The following VWA5B1 variants were observed in gnomAD, a reference collection of about 807,000 sequenced individuals.
VWA5B1 encodes von Willebrand factor A domain containing 5B1.
In VWA5B1, 115 loss-of-function variants were observed where a neutral mutation model predicts 118.2. That is an observed-to-expected ratio of 0.97 (90% confidence interval 0.84 to 1.14). VWA5B1 has a LOEUF of 1.14. Ranked by LOEUF, VWA5B1 falls within the 50% of genes most tolerant of loss-of-function variation. The probability of loss-of-function intolerance (pLI) is 0.00; values close to 1 mark genes in which losing one functional copy is unlikely to be tolerated. For missense variants in VWA5B1, 1,596 were observed against 1,603.8 expected, an observed-to-expected ratio of 1.00 and a Z score of 0.08; for synonymous variants, 682 against 658.4, an observed-to-expected ratio of 1.04 and a Z score of -0.55.
chr1:20,307,444 C>A (rs61770711), intron 1 of VWA5B1, among the ~76,000 whole-genome samples: 2 of 152,256 alleles, frequency 1.3e-5, no homozygotes, highest in African/African-American at 4.8e-5. Context: ...CATTGAGGCA[C>A]CCCAAACCCA....
intron 1 of VWA5B1, among the ~76,000 whole-genome samples, chr1:20,294,815 C>T (rs999309226): frequency 6.6e-6 from 1 of 152,228 alleles, no homozygotes; most frequent in African/African-American, 2.4e-5. Flanking sequence ...TCTCAAACTC[C>T]CAGCCTCAGG....
Position 20,343,083 on chromosome 1 carries a change from G to T in VWA5B1, c.2316G>T (p.Pro772=). 1 of 1,516,342 alleles carries T rather than the reference G, an allele frequency of 6.6e-7. No individual in the cohort carries two copies. The highest frequency in any genetic ancestry group is 2.5e-5 in the East Asian group (1 of 40,328). 93.9% of individuals were successfully genotyped at this position (1,516,342 alleles called of 1,614,324 possible). A position where few individuals can be genotyped will look rare whatever the true frequency, so the allele number is the denominator to read the frequency against. Reference sequence around the variant, plus strand: ...CACTTGTCCCTCTGCCCGCAGAGCCGTCCCACCATCCCTCTGCCTTCGAGA... The same window carrying T: ...CACTTGTCCCTCTGCCCGCAGAGCCTTCCCACCATCCCTCTGCCTTCGAGA... The part of the protein sequence containing the change: ...SDSRSPGDLE[P]SHHPSAFETE... Residue 772 remains proline, a synonymous_variant, in exon 16 of 22, where the codon CCG becomes CCT. Coordinates refer to ENST00000289815, the MANE Select transcript of VWA5B1 (RefSeq NM_001039500.3).
chr1:20,347,878 CAGAG>C (rs1378335707), intron 17 of VWA5B1, among the ~76,000 whole-genome samples: 1 of 152,250 alleles, frequency 6.6e-6, no homozygotes, highest in Admixed American at 6.5e-5. Flanking sequence ...AGACAGTAAA[CAGAG>C]AGAAGAACAG....
chr1:20,306,609 T>G (rs1272540622), intron 1 of VWA5B1, among the ~76,000 whole-genome samples: 1 of 152,254 alleles, frequency 6.6e-6, no homozygotes, highest in Admixed American at 6.5e-5. Context: ...CTTGGGAGGC[T>G]GCTGGCACTC....
chr1:20,330,912 G>C lies in VWA5B1; in HGVS notation c.1501G>C (p.Val501Leu), dbSNP rs769421302. Residue 501 changes from valine to leucine, a missense_variant, in exon 11 of 22, where the codon GTG (valine) becomes CTG (leucine). Physicochemically the swap from Val to Leu is conservative, Grantham distance 32. Coordinates refer to ENST00000289815, the MANE Select transcript of VWA5B1 (RefSeq NM_001039500.3). ...GIGPNVCHRL[V>L]KGLASVSEGS... is the part of the protein sequence containing the mutation. ...TGGACCCAACGTCTGCCACAGACTG[G>C]TGAAAGGACTGGCATCTGTGTCCGA... is the stretch of plus-strand genomic sequence containing the variant. 1 of 1,551,630 alleles carries C rather than the reference G, an allele frequency of 6.4e-7. No individual in the cohort carries two copies. Among genetic ancestry groups the C allele is most frequent in the Non-Finnish European group, 8.7e-7 (1 of 1,147,012 alleles).
Position 20,327,981 on chromosome 1 carries a change from C to A in VWA5B1, c.1235C>A (p.Ser412Tyr). The A allele has an allele frequency of 6.4e-7, 1 of 1,551,494 alleles. No homozygotes were observed. ...TCCACATTTAAGAGCCTTTTTCCTT[C>A]CAGCCAGACCTACAGTGAGGTAATG... ...FGSTFKSLFP[S>Y]SQTYSEDSLA... Residue 412 changes from serine to tyrosine, a missense_variant, in exon 9 of 22, where the codon TCC (serine) becomes TAC (tyrosine). Physicochemically the swap from Ser to Tyr is moderately radical, Grantham distance 144. Coordinates refer to ENST00000289815, the MANE Select transcript of VWA5B1 (RefSeq NM_001039500.3).
intron 12 of VWA5B1, among the ~76,000 whole-genome samples, chr1:20,333,254 A>T (rs1276031806): frequency 1.3e-5 from 2 of 152,232 alleles, no homozygotes; most frequent in African/African-American, 4.8e-5. Flanking sequence ...CAGGAAGATC[A>T]CTTGAGATCA....
Position 20,355,602 on chromosome 1 carries a change from G to T in VWA5B1, c.*1339G>T, listed in dbSNP as rs150330221. Among the ~76,000 whole-genome samples the T allele has an allele frequency of 1.3e-5, 2 of 152,204 alleles. No homozygotes were observed. The highest frequency in any genetic ancestry group is 4.8e-5 in the African/African-American group (2 of 41,454). ...GAGTGAAGCTCCACAGACTTCCCTC[G>T]TGGGAAGGCCTTGGAAGCTTAGCTT... On this transcript the variant is annotated 3_prime_UTR_variant, in exon 22 of 22. Coordinates refer to ENST00000289815, the MANE Select transcript of VWA5B1 (RefSeq NM_001039500.3).
At position 20,318,645 on chromosome 1, in the gene VWA5B1, G is replaced by C. The variant is rs770683974; in HGVS notation, c.765G>C (p.Ser255=). The C allele has an allele frequency of 1.9e-6, 3 of 1,550,300 alleles. No homozygotes were observed. The Middle Eastern group carries it at 5.0e-4, about 259-fold the overall frequency. The change falls in exon 6 of 22, where the codon TCG becomes TCC. Residue 255 remains serine, a synonymous_variant. Coordinates refer to ENST00000289815, the MANE Select transcript of VWA5B1 (RefSeq NM_001039500.3). ...CCGACGCCGCCCCATCTGCCCGCTC[G>C]GCCAAGAGCATCATCATCACCTTGG... The part of the protein sequence containing the change: ...IRADAAPSAR[S]AKSIIITLAN...
chr1:20,312,755 C>T, intron 2 of VWA5B1, 81 bp from the exon 3 acceptor site: 1 of 1,431,454 alleles, frequency 7.0e-7, no homozygotes, highest in Non-Finnish European at 9.2e-7. Flanking sequence ...ACAGGCAGAC[C>T]AAGGGTTCAG....
chr1:20,358,169 G>A lies in VWA5B1; in HGVS notation c.*3906G>A, dbSNP rs2101044568. Reference sequence around the variant, plus strand: ...TGAATGGCATCCCCTAGCCTTCACTGACCTGAGCTGCCACTCACTGCCACT... The same window carrying A: ...TGAATGGCATCCCCTAGCCTTCACTAACCTGAGCTGCCACTCACTGCCACT... On this transcript the variant is annotated 3_prime_UTR_variant, in exon 22 of 22. Transcript: ENST00000289815. Among the ~76,000 whole-genome samples, 1 of 152,264 alleles carries A rather than the reference G, an allele frequency of 6.6e-6. No homozygotes were observed. The highest frequency in any genetic ancestry group is 2.4e-5 in the African/African-American group (1 of 41,560).
intron 1 of VWA5B1, chr1:20,302,981 C>T (rs12047864): frequency 0.16 from 23,980 of 152,020 alleles, 2,406 homozygotes; most frequent in East Asian, 0.53. Flanking sequence ...TAGGCCTACG[C>T]GGGGAGGTTT....
At position 20,356,462 on chromosome 1, in the gene VWA5B1, G is replaced by T. The variant is rs1442219667; in HGVS notation, c.*2199G>T. On this transcript the variant is annotated 3_prime_UTR_variant, in exon 22 of 22. Transcript: ENST00000289815. ...TTCCTCTACATAACCAGGCTGAACTGGGCTGTCCAGCACCTCCCTGCCCCA... is the reference window on the plus strand; with the variant it reads ...TTCCTCTACATAACCAGGCTGAACTTGGCTGTCCAGCACCTCCCTGCCCCA... 6.6e-6 allele frequency among the ~76,000 whole-genome samples: 1 copy of T among 152,168 alleles called. No individual in the cohort carries two copies. The highest frequency in any genetic ancestry group is 1.9e-4 in the East Asian group (1 of 5,192).
intron 10 of VWA5B1, among the ~76,000 whole-genome samples, chr1:20,330,626 AC>A (rs1217543204): frequency 6.6e-6 from 1 of 152,238 alleles, no homozygotes; most frequent in Non-Finnish European, 1.5e-5. Flanking sequence ...GAGAGGTCCC[AC>A]AGCCAAGGGA....
At chr1:20,303,619 G>T (rs1403250348) in intron 1 of VWA5B1, among the ~76,000 whole-genome samples, 2 of 152,164 alleles carry the variant, frequency 1.3e-5, no homozygotes, top group Non-Finnish European at 2.9e-5. Context: ...AATTACTATG[G>T]AAGTGGCCAT....
At chr1:20,304,709 G>C (rs1185782126) in intron 1 of VWA5B1, among the ~76,000 whole-genome samples, 1 of 152,050 alleles carries the variant, frequency 6.6e-6, no homozygotes, top group African/African-American at 2.4e-5. Context: ...AGAGAGGATT[G>C]CAAGACTCGC....
Position 20,330,392 on chromosome 1 carries a change from G to A in VWA5B1, c.1457+10G>A. ...ACGCCTTCTCCACCAGGTCGGCCTT[G>A]GCTGAGGGTCTAGGCTCGGTGACTC... is the stretch of plus-strand genomic sequence containing the variant. On this transcript the variant is annotated intron_variant, in intron 10 of 21. Coordinates refer to ENST00000289815, the MANE Select transcript of VWA5B1 (RefSeq NM_001039500.3). 6.4e-7 allele frequency: 1 copy of A among 1,551,568 alleles called. No individual in the cohort carries two copies. The highest frequency in any genetic ancestry group is 8.7e-7 in the Non-Finnish European group (1 of 1,146,918).
intron 7 of VWA5B1, 44 bp downstream of exon 7, chr1:20,319,550 G>T: frequency 1.9e-6 from 3 of 1,548,726 alleles, no homozygotes; most frequent in Non-Finnish European, 2.6e-6. Flanking sequence ...CAGAGTTGGG[G>T]TGGCGCTGAG....
intron 14 of VWA5B1, chr1:20,338,287 T>C (rs1414191922): frequency 2.9e-6 from 1 of 348,040 alleles, no homozygotes. Context: ...CCTCATTAGA[T>C]TGCACCTCCT....
Sources: gnomAD v4.1 joint callset for allele counts (sites outside exome capture counted in the v4.1 genomes callset) on GRCh38, gnomAD v4.1.1 for gene constraint, MANE v1.5 for transcripts, NCBI Gene and HGNC (gene_info 2026-07-23, HGNC 2026-07-21) for gene names.